MCUB: variants seen among roughly 807,000 people sequenced by gnomAD.
MCUB encodes the protein calcium uniporter regulatory subunit MCUb, mitochondrial.
MCUB carries 46 observed loss-of-function variants against 41.4 expected under a neutral mutation model. The ratio of observed to expected loss-of-function variants is 1.11; its 90% CI spans 0.88 to 1.42. The LOEUF is 1.42. Among genes scored for constraint, MCUB ranks in the 40% most tolerant of loss-of-function variants. The pLI is 0.00. For missense variants in MCUB, 403 were observed against 404.9 expected (o/e 1.00, Z 0.04); for synonymous variants, 148 against 148.2 (o/e 1.00, Z 0.01).
chr4:109,624,971 C>T (rs1728330782), intron 1 of MCUB, among the ~76,000 whole-genome samples: 1 of 152,008 alleles, frequency 6.6e-6, no homozygotes, highest in South Asian at 2.1e-4. Flanking sequence ...GAACCCCCGC[C>T]TCTACTAAAA....
Position 109,687,896 on chromosome 4 carries a change from C to CTTAG in MCUB, c.*304_*305insTTAG, listed in dbSNP as rs1020551276. 2 of 245,918 alleles carry CTTAG rather than the reference C, an allele frequency of 8.1e-6. No individual in the cohort carries two copies. Among genetic ancestry groups the CTTAG allele is most frequent in the African/African-American group, 4.5e-5 (2 of 44,484 alleles). 15.2% of individuals were successfully genotyped at this position (245,918 alleles called of 1,614,324 possible). On this transcript the variant is annotated 3_prime_UTR_variant, in exon 8 of 8. Coordinates refer to ENST00000394650, the MANE Select transcript of MCUB (RefSeq NM_017918.5). The stretch of plus-strand genomic sequence containing the variant: ...GGTGAAAGGGTCTGTGCTTGGCATT[C>CTTAG]ACTTCCATTCTTAGACTTAATTTGG...
intron 1 of MCUB, among the ~76,000 whole-genome samples, chr4:109,613,561 A>G (rs990657830): frequency 2.0e-5 from 3 of 152,206 alleles, no homozygotes; most frequent in Admixed American, 6.5e-5. Context: ...TTGTTTCATC[A>G]AAGTATGCAA....
At chr4:109,643,192 TTTC>T (rs1405774490) in intron 1 of MCUB, among the ~76,000 whole-genome samples, 1 of 152,050 alleles carries the variant, frequency 6.6e-6, no homozygotes, top group African/African-American at 2.4e-5. Context: ...TGAGACTTAT[TTTC>T]TTTTATTTTT....
intron 1 of MCUB, among the ~76,000 whole-genome samples, chr4:109,589,811 G>A (rs545520416): frequency 2.0e-5 from 3 of 152,274 alleles, no homozygotes; most frequent in South Asian, 2.1e-4. Context: ...TGGGTGCTCC[G>A]TGCATACTAT....
intron 1 of MCUB, among the ~76,000 whole-genome samples, chr4:109,579,354 A>T (rs531209424): frequency 6.6e-6 from 1 of 151,874 alleles, no homozygotes; most frequent in African/African-American, 2.4e-5. Context: ...GGTTCAAGCG[A>T]TTCTCCTGCC....
At chr4:109,607,677 T>A (rs1727910358) in intron 1 of MCUB, among the ~76,000 whole-genome samples, 1 of 152,110 alleles carries the variant, frequency 6.6e-6, no homozygotes, top group Admixed American at 6.5e-5. Flanking sequence ...GGTTAAAAGT[T>A]TTTTTTCCTT....
At chr4:109,578,150 T>C (rs1331182185) in intron 1 of MCUB, among the ~76,000 whole-genome samples, 1 of 152,110 alleles carries the variant, frequency 6.6e-6, no homozygotes, top group African/African-American at 2.4e-5. Context: ...AGCTATCTCT[T>C]TTGTTGCTTA....
At chr4:109,610,015 C>G (rs1358753050) in intron 1 of MCUB, among the ~76,000 whole-genome samples, 1 of 152,194 alleles carries the variant, frequency 6.6e-6, no homozygotes, top group African/African-American at 2.4e-5. Context: ...TCTTCCCTCC[C>G]CTTTCCACAA....
At chr4:109,581,162 G>T (rs1032651392) in intron 1 of MCUB, among the ~76,000 whole-genome samples, 1 of 152,174 alleles carries the variant, frequency 6.6e-6, no homozygotes, top group East Asian at 1.9e-4. Context: ...AAACAGCATG[G>T]TACTGGTACC....
At chr4:109,576,713 A>T (rs1727038843) in intron 1 of MCUB, among the ~76,000 whole-genome samples, 1 of 152,192 alleles carries the variant, frequency 6.6e-6, no homozygotes, top group African/African-American at 2.4e-5. Flanking sequence ...ACAAAGGATG[A>T]TTCACAGAGA....
intron 1 of MCUB, among the ~76,000 whole-genome samples, chr4:109,570,233 C>T (rs1341150712): frequency 6.6e-6 from 1 of 152,188 alleles, no homozygotes; most frequent in African/African-American, 2.4e-5. Context: ...TACCACCATG[C>T]CTGCATCCCC....
intron 4 of MCUB, among the ~76,000 whole-genome samples, chr4:109,670,377 T>C (rs1451095999): frequency 6.6e-6 from 1 of 152,162 alleles, no homozygotes; most frequent in African/African-American, 2.4e-5. Flanking sequence ...TCCCAATCGG[T>C]TAGGCTCTGG....
At position 109,577,831 on chromosome 4, in the gene MCUB, C is replaced by T. The variant is rs1473712569; in HGVS notation, c.99+17395C>T. ...TTCACCATGTTGGTCAGGATGGTCT[C>T]GATCTCCTGACCTCGTGATCCGCCC... On this transcript the variant is annotated intron_variant, in intron 1 of 7. Coordinates refer to ENST00000394650, the MANE Select transcript of MCUB (RefSeq NM_017918.5). Among the ~76,000 whole-genome samples the T allele has an allele frequency of 1.9e-5, 2 of 107,036 alleles. 1 individual carries two copies. Among genetic ancestry groups the T allele is most frequent in the Non-Finnish European group, 4.0e-5 (2 of 50,028 alleles). 70.2% of individuals were successfully genotyped at this position (107,036 alleles called of 152,430 possible).
intron 1 of MCUB, among the ~76,000 whole-genome samples, chr4:109,615,220 G>A (rs1419425733): frequency 1.3e-5 from 2 of 152,110 alleles, no homozygotes; most frequent in Non-Finnish European, 2.9e-5. Context: ...ACAGAATTGG[G>A]TGAAAGTTAA....
chr4:109,577,837 C>T (rs1440540133), intron 1 of MCUB, among the ~76,000 whole-genome samples: 1 of 116,166 alleles, frequency 8.6e-6, no homozygotes. Flanking sequence ...GTCTCGATCT[C>T]CTGACCTCGT....
Position 109,687,525 on chromosome 4 carries a change from C to T in MCUB, c.944C>T (p.Ser315Phe). The T allele has an allele frequency of 6.2e-7, 1 of 1,611,222 alleles. No individual in the cohort carries two copies. Among genetic ancestry groups the T allele is most frequent in the African/African-American group, 1.3e-5 (1 of 74,960 alleles). Residue 315 changes from serine (S) to phenylalanine (F), a missense_variant, in exon 8 of 8, where the codon TCC (serine) becomes TTC (phenylalanine). Physicochemically the swap from Ser to Phe is radical, Grantham distance 155. Coordinates refer to ENST00000394650, the MANE Select transcript of MCUB (RefSeq NM_017918.5). Reference protein sequence around the residue: ...LKEDLAKAKESLKQARHSLCL... With the variant: ...LKEDLAKAKEFLKQARHSLCL... ...TTTTTCCCATGACAGGCTAAAGAAT[C>T]CCTGAAACAGGCGCGTCATTCTCTC...
At chr4:109,667,453 G>A (rs928129213) in intron 4 of MCUB, among the ~76,000 whole-genome samples, 1 of 151,738 alleles carries the variant, frequency 6.6e-6, no homozygotes, top group Non-Finnish European at 1.5e-5. Flanking sequence ...TTTCTACCAT[G>A]AGTAACTTGT....
chr4:109,664,277 GT>G lies in MCUB; in HGVS notation c.347-8del. ...AAACAAAGACATGCTCATGCATGAT[GT>G]TTTTCTTTCAGATGGCAACATGATT... On this transcript the variant is annotated splice_polypyrimidine_tract_variant and intron_variant, in intron 3 of 7. Coordinates refer to ENST00000394650, the MANE Select transcript of MCUB (RefSeq NM_017918.5). The G allele has an allele frequency of 1.5e-6, 2 of 1,338,116 alleles. No individual in the cohort carries two copies. Among genetic ancestry groups the G allele is most frequent in the Non-Finnish European group, 2.2e-6 (2 of 929,354 alleles). 82.9% of individuals were successfully genotyped at this position (1,338,116 alleles called of 1,614,324 possible).
At chr4:109,673,170 T>C (rs1729496913) in intron 4 of MCUB, among the ~76,000 whole-genome samples, 1 of 152,214 alleles carries the variant, frequency 6.6e-6, no homozygotes, top group African/African-American at 2.4e-5. Context: ...TAAGATATTA[T>C]ACAACTTTCA....
Sources: allele counts gnomAD v4.1 joint callset (sites outside exome capture counted in the v4.1 genomes callset), GRCh38; gene constraint gnomAD v4.1.1; transcripts MANE v1.5; gene names NCBI Gene and HGNC (gene_info 2026-07-23, HGNC 2026-07-21).